The following RLIM variants were observed in gnomAD, a reference collection of about 807,000 sequenced individuals.
RLIM encodes the protein E3 ubiquitin-protein ligase RLIM.
In RLIM, 2 loss-of-function variants were observed where a neutral mutation model predicts 34.0. That is an observed-to-expected ratio of 0.06 (90% CI 0.02 to 0.19). The LOEUF is 0.19. Among genes scored for constraint, RLIM ranks in the 10% least tolerant of loss-of-function variants. RLIM has a pLI of 1.00. For synonymous variants in RLIM, 169 were observed against 164.0 expected (o/e 1.03, Z -0.23); for missense variants, 286 against 479.7 (o/e 0.60, Z 3.77).
chrX:74,592,469 A>G lies in RLIM; in HGVS notation c.846T>C (p.Ser282=). The change falls in exon 4 of 4, where the codon AGT becomes AGC. Residue 282 remains serine (S), a synonymous_variant. Transcript: ENST00000332687. The stretch of plus-strand genomic sequence containing the variant: ...TTCCAGAAGCTGCAAAAAGACCTCT[A>G]CTTAGCAACTCAGGCCCAGATATTT... The part of the protein sequence containing the change: ...RQQISGPELL[S]RGLFAASGTR... The G allele has an allele frequency of 8.3e-7, 1 of 1,211,953 alleles. No homozygotes were observed. The highest frequency in any genetic ancestry group is 1.1e-6 in the Non-Finnish European group (1 of 895,558).
At chrX:74,597,766 T>C (rs1014974950) in intron 1 of RLIM, among the ~76,000 whole-genome samples, 6 of 112,305 alleles carry the variant, frequency 5.3e-5, no homozygotes, top group Non-Finnish European at 1.1e-4. Flanking sequence ...TTCTCTCTTA[T>C]GAACTCTGGT....
rs1416959065 is a variant in RLIM, at chrX:74,586,080, A to T, written c.*5360T>A. On this transcript the variant is annotated 3_prime_UTR_variant, in exon 4 of 4. Coordinates refer to ENST00000332687, the MANE Select transcript of RLIM (RefSeq NM_016120.4). ...AAAGCAGCTCTTCCTGGGAGAAGATAAAACAGGCACAGATACATCACCAGG... is the reference window on the plus strand; with the variant it reads ...AAAGCAGCTCTTCCTGGGAGAAGATTAAACAGGCACAGATACATCACCAGG... 3.6e-5 allele frequency: 4 copies of T among 112,030 alleles called. No homozygotes were observed. Among genetic ancestry groups the T allele is most frequent in the Non-Finnish European group, 7.5e-5 (4 of 53,304 alleles). The allele number at this position is 112,030 out of a possible 1,213,427, so 9.2% of individuals were successfully genotyped here.
chrX:74,605,302 GC>G (rs1235970872), intron 1 of RLIM, among the ~76,000 whole-genome samples: 2 of 112,066 alleles, frequency 1.8e-5, no homozygotes, highest in Non-Finnish European at 3.8e-5. Flanking sequence ...CACAAGTTCT[GC>G]CCCAGGTAGA....
chrX:74,613,979 G>A (rs1354465603), intron 1 of RLIM, among the ~76,000 whole-genome samples: 1 of 110,356 alleles, frequency 9.1e-6, no homozygotes, highest in Non-Finnish European at 1.9e-5. Flanking sequence ...ACTTGGGGCA[G>A]CCTGATTTTT....
At chrX:74,607,527 T>C (rs1006620394) in intron 1 of RLIM, among the ~76,000 whole-genome samples, 4 of 112,826 alleles carry the variant, frequency 3.5e-5, no homozygotes, top group South Asian at 7.1e-4. Flanking sequence ...CTGGCCAACA[T>C]GGTGAAACCC....
rs1349729762 is a variant in RLIM at position 74,592,507 on chromosome X, T to C, written c.808A>G (p.Thr270Ala). The C allele has an allele frequency of 8.3e-7, 1 of 1,211,954 alleles. No individual in the cohort carries two copies. The highest frequency in any genetic ancestry group is 1.8e-5 in the South Asian group (1 of 57,016). ...EGSSRTRHHVTLRQQISGPEL... is the reference protein window; with the variant it reads ...EGSSRTRHHVALRQQISGPEL... Reference sequence around the variant, plus strand: ...GGCCCAGATATTTGCTGCCTCAATGTCACATGGTGCCGGGTTCTAGAACTT... The same window carrying C: ...GGCCCAGATATTTGCTGCCTCAATGCCACATGGTGCCGGGTTCTAGAACTT... Residue 270 changes from threonine to alanine, a missense_variant, in exon 4 of 4, where the codon ACA (threonine) becomes GCA (alanine). Physicochemically the swap from Thr to Ala is moderately conservative, Grantham distance 58 (BLOSUM62 0). Transcript: ENST00000332687.
At chrX:74,606,234 AT>A (rs890884405) in intron 1 of RLIM, among the ~76,000 whole-genome samples, 1 of 111,855 alleles carries the variant, frequency 8.9e-6, no homozygotes, top group African/African-American at 3.2e-5. Context: ...TATTAACCTT[AT>A]TTCTTTTAGA....
chrX:74,603,751 AAG>A (rs1218664683), intron 1 of RLIM, among the ~76,000 whole-genome samples: 3 of 111,957 alleles, frequency 2.7e-5, no homozygotes, highest in Non-Finnish European at 5.6e-5. Flanking sequence ...CAGCTGCACT[AAG>A]AGTAAAAACA....
chrX:74,597,315 C>G, intron 1 of RLIM, among the ~76,000 whole-genome samples: 1 of 111,889 alleles, frequency 8.9e-6, no homozygotes, highest in Middle Eastern at 4.7e-3. Flanking sequence ...TATTGAAAAG[C>G]AATGTCACTA....
chrX:74,606,416 T>C (rs193014868), intron 1 of RLIM, among the ~76,000 whole-genome samples: 194 of 111,732 alleles, frequency 1.7e-3, no homozygotes, highest in African/African-American at 5.9e-3. Flanking sequence ...GAGATTTATT[T>C]AAAACAGATT....
At position 74,584,049 on chromosome X, in the gene RLIM, A is replaced by G. The variant is rs1931286253; in HGVS notation, c.*7391T>C. Among the ~76,000 whole-genome samples, 1 of 112,097 alleles carries G rather than the reference A, an allele frequency of 8.9e-6. No homozygotes were observed. The highest frequency in any genetic ancestry group is 1.9e-5 in the Non-Finnish European group (1 of 53,247). ...GACAGGGCGAGAATCCATCTCAAACAAACAAAAAAATAAACAAAAACCAAT... is the reference window on the plus strand; with the variant it reads ...GACAGGGCGAGAATCCATCTCAAACGAACAAAAAAATAAACAAAAACCAAT... On this transcript the variant is annotated 3_prime_UTR_variant, in exon 4 of 4. Coordinates refer to ENST00000332687, the MANE Select transcript of RLIM (RefSeq NM_016120.4).
At chrX:74,611,541 G>A (rs1309594831) in intron 1 of RLIM, among the ~76,000 whole-genome samples, 1 of 112,314 alleles carries the variant, frequency 8.9e-6, no homozygotes, top group East Asian at 2.8e-4. Context: ...TACAGGGCCT[G>A]TGAAATAGAA....
At position 74,591,686 on chromosome X, in the gene RLIM, G is replaced by A. The variant is rs1460614430; in HGVS notation, c.1629C>T (p.Asp543=). 2 of 1,211,493 alleles carry A rather than the reference G, an allele frequency of 1.7e-6. No individual in the cohort carries two copies. The highest frequency in any genetic ancestry group is 4.3e-5 in the Admixed American group (2 of 45,981). Residue 543 remains aspartate (D), a synonymous_variant, in exon 4 of 4, where the codon GAC becomes GAT. Transcript: ENST00000332687. ...GTTCTTTGGTGAGTCCTCTAGGTTGGTCATCATCATCCTCATTTAAGAGGA... is the reference window on the plus strand; with the variant it reads ...GTTCTTTGGTGAGTCCTCTAGGTTGATCATCATCATCCTCATTTAAGAGGA... ...QFFLLNEDDD[D]QPRGLTKEQI...
rs1287003301 is a variant in RLIM at position 74,595,831 on chromosome X, A to C, written c.147T>G (p.Asp49Glu). ...LSEEDYRLMRDNNLLGTPGES... is the reference protein window; with the variant it reads ...LSEEDYRLMRENNLLGTPGES... ...TACCTGGGGTGCCTAGCAAATTGTT[A>C]TCTCTCATAAGCCTATAATCTTCTT... Residue 49 changes from aspartate to glutamate, a missense_variant, in exon 2 of 4, where the codon GAT becomes GAG. Asp to Glu is a conservative substitution (Grantham distance 45). Coordinates refer to ENST00000332687, the MANE Select transcript of RLIM (RefSeq NM_016120.4). 1.7e-6 allele frequency: 2 copies of C among 1,197,993 alleles called. No homozygotes were observed. Among genetic ancestry groups the C allele is most frequent in the African/African-American group, 1.8e-5 (1 of 56,729 alleles).
intron 2 of RLIM, among the ~76,000 whole-genome samples, chrX:74,594,636 C>T (rs535899423): frequency 1.8e-5 from 2 of 111,684 alleles, no homozygotes; most frequent in South Asian, 3.7e-4. Flanking sequence ...CTTTGGCTCA[C>T]GCCTGTACTC....
rs1225819849 is a variant in RLIM at position 74,611,383 on chromosome X, T to C, written c.-24+3039A>G. On this transcript the variant is annotated intron_variant, in intron 1 of 3. Transcript: ENST00000332687. Reference sequence around the variant, plus strand: ...ATATTAAGGCTCACTACATGTTCACTAACCTCAAAGATATCCAACCAGCCT... The same window carrying C: ...ATATTAAGGCTCACTACATGTTCACCAACCTCAAAGATATCCAACCAGCCT... Among the ~76,000 whole-genome samples the C allele has an allele frequency of 2.7e-5, 3 of 112,295 alleles. No homozygotes were observed. The East Asian group carries it at 8.3e-4, about 31-fold the overall frequency.
chrX:74,614,264 G>T (rs1400162516), intron 1 of RLIM, among the ~76,000 whole-genome samples, 158 bp downstream of exon 1: 1 of 111,711 alleles, frequency 9.0e-6, no homozygotes, highest in Non-Finnish European at 1.9e-5. Context: ...CTACGCCACG[G>T]AGCCCCCCGC....
At chrX:74,593,208 A>T (rs2079624275) in intron 3 of RLIM, 147 bp from the exon 4 acceptor site, 2 of 589,091 alleles carry the variant, frequency 3.4e-6, no homozygotes, top group Non-Finnish European at 5.0e-6. Context: ...TATACTGCAT[A>T]AATTTATAAG....
intron 1 of RLIM, among the ~76,000 whole-genome samples, chrX:74,610,889 C>CA (rs1368764773): frequency 1.6e-4 from 16 of 98,493 alleles, no homozygotes; most frequent in African/African-American, 6.0e-4. Flanking sequence ...GACTCCGTCT[C>CA]AAAAAAATAA....
Sources: allele counts gnomAD v4.1 joint callset (sites outside exome capture counted in the v4.1 genomes callset), GRCh38; gene constraint gnomAD v4.1.1; transcripts MANE v1.5; gene names NCBI Gene and HGNC (gene_info 2026-07-23, HGNC 2026-07-21).